Variants in ZMYM2 observed in about 807,000 individuals in gnomAD.
ZMYM2 encodes zinc finger MYM-type containing 2.
A neutral mutation model predicts 162.8 loss-of-function variants in ZMYM2; 56 were observed. The ratio of observed to expected loss-of-function variants is 0.34; its 90% CI spans 0.28 to 0.43. The LOEUF is 0.43. ZMYM2 is among the 20% of genes least tolerant of loss of function. The probability of loss-of-function intolerance (pLI) is 1.00; values close to 1 mark genes in which losing one functional copy is unlikely to be tolerated. For missense variants in ZMYM2, 1,275 were observed against 1,621.8 expected, an observed-to-expected ratio of 0.79 and a Z score of 3.67; for synonymous variants, 510 against 541.6, an observed-to-expected ratio of 0.94 and a Z score of 0.81.
chr13:20,051,338 C>T lies in ZMYM2; in HGVS notation c.2293-95C>T, dbSNP rs531874906. 4.0e-6 allele frequency: 5 copies of T among 1,245,252 alleles called. No individual in the cohort carries two copies. In the East Asian group the frequency reaches 1.3e-4, roughly 33 times the overall value. The allele number at this position is 1,245,252 out of a possible 1,614,324, so 77.1% of individuals were successfully genotyped here. A position where few individuals can be genotyped will look rare whatever the true frequency, so the allele number is the denominator to read the frequency against. On this transcript the variant is annotated intron_variant, in intron 12 of 24. Coordinates refer to ENST00000610343, the MANE Select transcript of ZMYM2 (RefSeq NM_197968.4). Reference sequence around the variant, plus strand: ...ATAGTTCTACTTTTTCTGTATCAGTCACGGTTTTATCACATTTGGCAATAA... The same window carrying T: ...ATAGTTCTACTTTTTCTGTATCAGTTACGGTTTTATCACATTTGGCAATAA...
At chr13:19,913,093 A>G in the ZMYM2 span, among the ~76,000 whole-genome samples, 2 of 152,202 alleles carry the variant, frequency 1.3e-5, no homozygotes, top group Non-Finnish European at 2.9e-5. Context: ...AGCAGATCCA[A>G]TGCTGCCTGA....
At chr13:19,882,727 A>G in the ZMYM2 span, among the ~76,000 whole-genome samples, 4 of 152,234 alleles carry the variant, frequency 2.6e-5, no homozygotes, top group East Asian at 7.7e-4. Flanking sequence ...AGCCTAAGCG[A>G]CAGGGTAAGA....
rs1218261460 is a variant in ZMYM2, at chr13:20,088,655, A to G, written c.*2641A>G. The G allele has an allele frequency of 5.1e-6, 1 of 195,056 alleles. No homozygotes were observed. The highest frequency in any genetic ancestry group is 1.1e-5 in the Non-Finnish European group (1 of 93,682). The allele number at this position is 195,056 out of a possible 1,614,324, so 12.1% of individuals were successfully genotyped here. On this transcript the variant is annotated 3_prime_UTR_variant, in exon 25 of 25. Transcript: ENST00000610343. ...TTTCCATAAAAATAATTTTTGCTTA[A>G]ATAGTAACTCATGGTTTTCTTTTAT...
intron 6 of ZMYM2, among the ~76,000 whole-genome samples, chr13:20,016,364 T>A (rs978595652): frequency 3.9e-5 from 6 of 152,178 alleles, no homozygotes; most frequent in Admixed American, 3.9e-4. Context: ...TTTGTGTGCA[T>A]ATTTGTCTTT....
At chr13:19,939,025 T>C in the ZMYM2 span, among the ~76,000 whole-genome samples, 1 of 148,070 alleles carries the variant, frequency 6.8e-6, no homozygotes, top group East Asian at 1.9e-4. Flanking sequence ...TTGTAATTTT[T>C]TTTTTTTTTT....
the ZMYM2 span, among the ~76,000 whole-genome samples, chr13:19,939,078 C>T: frequency 7.0e-6 from 1 of 142,210 alleles, no homozygotes; most frequent in East Asian, 2.1e-4. Flanking sequence ...GGGTGGAGTG[C>T]AATGGCGTGA....
At chr13:20,006,689 A>C in intron 6 of ZMYM2, 103 bp downstream of exon 6, 1 of 1,130,926 alleles carries the variant, frequency 8.8e-7, no homozygotes, top group Non-Finnish European at 1.3e-6. Flanking sequence ...TTATCTTAGA[A>C]TTTCATTTAA....
chr13:20,065,508 TGAAAA>T (rs1566438716), intron 19 of ZMYM2, among the ~76,000 whole-genome samples: 1 of 151,340 alleles, frequency 6.6e-6, no homozygotes, highest in Non-Finnish European at 1.5e-5. Context: ...ATCAGGAAAG[TGAAAA>T]GGGGGCCAGG....
chr13:20,001,898 A>G (rs1461199846), intron 3 of ZMYM2, among the ~76,000 whole-genome samples: 1 of 152,242 alleles, frequency 6.6e-6, no homozygotes, highest in Non-Finnish European at 1.5e-5. Flanking sequence ...ATATAATACT[A>G]TTGTACACTT....
the ZMYM2 span, among the ~76,000 whole-genome samples, chr13:19,907,653 T>A: frequency 6.9e-6 from 1 of 144,064 alleles, no homozygotes; most frequent in African/African-American, 2.6e-5. Flanking sequence ...TCCCAGTTAC[T>A]CGGGAGGCTG....
the ZMYM2 span, among the ~76,000 whole-genome samples, chr13:19,896,781 A>C: frequency 4.6e-5 from 7 of 150,906 alleles, no homozygotes; most frequent in Admixed American, 4.6e-4. Context: ...AAAAGAAAAA[A>C]AAAGAATGGA....
chr13:20,029,983 C>T (rs1357495912), intron 9 of ZMYM2, among the ~76,000 whole-genome samples: 37 of 151,434 alleles, frequency 2.4e-4, no homozygotes, highest in African/African-American at 2.4e-5. Context: ...TTAGTAGAGA[C>T]GGACTTTCGC....
At chr13:19,994,181 A>C (rs1287935013) in intron 3 of ZMYM2, among the ~76,000 whole-genome samples, 1 of 152,202 alleles carries the variant, frequency 6.6e-6, no homozygotes, top group Non-Finnish European at 1.5e-5. Flanking sequence ...TACATTCATC[A>C]CCAAAGTCTG....
At chr13:19,954,708 G>T (rs551174676), upstream of ZMYM2, among the ~76,000 whole-genome samples, 1 of 152,088 alleles carries the variant, frequency 6.6e-6, no homozygotes, top group East Asian at 1.9e-4. Context: ...TCCTACCCAG[G>T]AGTACTATGT....
At chr13:20,013,276 G>A (rs1240636309) in intron 6 of ZMYM2, among the ~76,000 whole-genome samples, 1 of 152,074 alleles carries the variant, frequency 6.6e-6, no homozygotes, top group African/African-American at 2.4e-5. Context: ...CTAGTATATA[G>A]AAACATCTGA....
Position 19,973,635 on chromosome 13 carries a change from C to T in ZMYM2, c.-11+13609C>T, listed in dbSNP as rs1157039567. ...GCAGTGATCCAAGATCATGCCACTG[C>T]ACTCCAGGCTGGGTGACAGAGCGAA... On this transcript the variant is annotated intron_variant, in intron 2 of 24. Transcript: ENST00000610343. 4.9e-5 allele frequency among the ~76,000 whole-genome samples: 7 copies of T among 141,924 alleles called. No homozygotes were observed. The Admixed American group carries it at 5.0e-4, about 10-fold the overall frequency. The allele number at this position is 141,924 out of a possible 152,430, so 93.1% of individuals were successfully genotyped here.
At chr13:20,046,661 G>A (rs1437302477) in intron 12 of ZMYM2, among the ~76,000 whole-genome samples, 7 of 146,548 alleles carry the variant, frequency 4.8e-5, no homozygotes, top group African/African-American at 1.8e-4. Context: ...GTATATGTGT[G>A]TATATATATG....
At chr13:19,929,664 T>C in the ZMYM2 span, among the ~76,000 whole-genome samples, 3 of 152,138 alleles carry the variant, frequency 2.0e-5, no homozygotes. Context: ...TTTGGATTTA[T>C]CATGCTCATG....
chr13:19,900,364 A>C, the ZMYM2 span, among the ~76,000 whole-genome samples: 1 of 152,226 alleles, frequency 6.6e-6, no homozygotes, highest in African/African-American at 2.4e-5. Flanking sequence ...AAATTACTAG[A>C]AACACTTAAC....
Sources: gnomAD v4.1 joint callset for allele counts (sites outside exome capture counted in the v4.1 genomes callset) on GRCh38, gnomAD v4.1.1 for gene constraint, MANE v1.5 for transcripts, NCBI Gene and HGNC (gene_info 2026-07-23, HGNC 2026-07-21) for gene names.